SPMIP2: variants seen among roughly 807,000 people sequenced by gnomAD.
The protein encoded by SPMIP2 is protein SPMIP2.
At chr4:158,981,178 C>A in the SPMIP2 span, among the ~76,000 whole-genome samples, 4 of 152,170 alleles carry the variant, frequency 2.6e-5, no homozygotes, top group African/African-American at 7.2e-5. Flanking sequence ...AAGGAAGGAA[C>A]AAAGCCTCCA....
chr4:158,956,661 C>T, the SPMIP2 span, among the ~76,000 whole-genome samples: 3 of 152,210 alleles, frequency 2.0e-5, no homozygotes, highest in Non-Finnish European at 2.9e-5. Flanking sequence ...CTCTGACATT[C>T]GATCTCTTCA....
the SPMIP2 span, among the ~76,000 whole-genome samples, chr4:159,005,882 A>AG: frequency 1.3e-5 from 2 of 152,066 alleles, no homozygotes; most frequent in Admixed American, 1.3e-4. Context: ...CTCTTGCCTT[A>AG]GCCTCCTGAG....
the SPMIP2 span, among the ~76,000 whole-genome samples, chr4:158,985,857 G>A: frequency 6.6e-6 from 1 of 152,092 alleles, no homozygotes; most frequent in Non-Finnish European, 1.5e-5. Context: ...CCTGTTTGCA[G>A]ATGACTTGAT....
the SPMIP2 span, among the ~76,000 whole-genome samples, chr4:159,011,337 A>T: frequency 6.6e-6 from 1 of 152,232 alleles, no homozygotes; most frequent in Admixed American, 6.5e-5. Context: ...TAGAGTAATT[A>T]AAAGCTTTTA....
At chr4:158,977,814 CT>C in the SPMIP2 span, among the ~76,000 whole-genome samples, 2 of 151,996 alleles carry the variant, frequency 1.3e-5, no homozygotes. Context: ...CGGGGTTTCA[CT>C]GTGTTAGCCA....
At chr4:158,904,352 A>ATAATC in the SPMIP2 span, 5 of 908,952 alleles carry the variant, frequency 5.5e-6, no homozygotes, top group East Asian at 7.8e-5. Flanking sequence ...GTTTTAAATG[A>ATAATC]TAATCTATCA....
the SPMIP2 span, among the ~76,000 whole-genome samples, chr4:159,008,858 A>C: frequency 0.32 from 47,930 of 152,084 alleles, 7,736 homozygotes; most frequent in South Asian, 0.44. Flanking sequence ...ATAATTGAAA[A>C]AATATTGCTG....
chr4:159,056,185 A>C, the SPMIP2 span, among the ~76,000 whole-genome samples: 1 of 152,252 alleles, frequency 6.6e-6, no homozygotes, highest in Non-Finnish European at 1.5e-5. Flanking sequence ...TAGAATGGAA[A>C]TAGTCTTGGA....
the SPMIP2 span, among the ~76,000 whole-genome samples, chr4:159,002,214 G>A: frequency 6.6e-6 from 1 of 152,000 alleles, no homozygotes; most frequent in Non-Finnish European, 1.5e-5. Context: ...TATGGATGCT[G>A]GATATTAGAC....
At chr4:158,929,004 C>A in the SPMIP2 span, among the ~76,000 whole-genome samples, 1 of 152,144 alleles carries the variant, frequency 6.6e-6, no homozygotes, top group African/African-American at 2.4e-5. Flanking sequence ...ACACTCACTG[C>A]GAGCGTCCGA....
At chr4:158,952,572 G>C in the SPMIP2 span, among the ~76,000 whole-genome samples, 5 of 152,320 alleles carry the variant, frequency 3.3e-5, no homozygotes, top group Admixed American at 3.3e-4. Flanking sequence ...TTGGTACCAG[G>C]AGTGGGGTGT....
At chr4:159,073,284 G>A in the SPMIP2 span, among the ~76,000 whole-genome samples, 1 of 152,060 alleles carries the variant, frequency 6.6e-6, no homozygotes, top group South Asian at 2.1e-4. Flanking sequence ...TCCCCAAGAA[G>A]CTGGGGCCAC....
chr4:158,980,591 A>G, the SPMIP2 span, among the ~76,000 whole-genome samples: 75 of 152,330 alleles, frequency 4.9e-4, 1 homozygote, highest in African/African-American at 1.4e-3. Flanking sequence ...CCAACAAATT[A>G]GCAGACCCGC....
the SPMIP2 span, among the ~76,000 whole-genome samples, chr4:159,043,739 A>G: frequency 1.3e-5 from 2 of 152,210 alleles, no homozygotes; most frequent in Admixed American, 6.5e-5. Context: ...CTTAGAACCA[A>G]TGTCTGAAGT....
the SPMIP2 span, among the ~76,000 whole-genome samples, chr4:158,970,394 T>A: frequency 6.6e-6 from 1 of 151,822 alleles, no homozygotes; most frequent in African/African-American, 2.4e-5. Flanking sequence ...TTTTAAATTA[T>A]CTAGGTGTGG....
chr4:159,058,187 T>A, the SPMIP2 span, among the ~76,000 whole-genome samples: 1 of 53,992 alleles, frequency 1.9e-5, no homozygotes, highest in Admixed American at 1.8e-4. Flanking sequence ...TTTGCTGGGC[T>A]TTTTTTTTTT....
chr4:159,017,374 C>CACAT, the SPMIP2 span, among the ~76,000 whole-genome samples: 1 of 151,616 alleles, frequency 6.6e-6, no homozygotes, highest in Admixed American at 6.6e-5. Flanking sequence ...CACACACACA[C>CACAT]ACACACAGAC....
the SPMIP2 span, among the ~76,000 whole-genome samples, chr4:158,930,666 AT>A: frequency 6.9e-6 from 1 of 145,866 alleles, no homozygotes; most frequent in East Asian, 2.0e-4. Flanking sequence ...TAAATTTTTT[AT>A]TTTTATTTGG....
At chr4:158,975,881 A>T in the SPMIP2 span, among the ~76,000 whole-genome samples, 3 of 152,164 alleles carry the variant, frequency 2.0e-5, no homozygotes, top group African/African-American at 7.2e-5. Flanking sequence ...TGTATAAATT[A>T]CTTTGGGCAG....
Sources: allele counts gnomAD v4.1 joint callset (sites outside exome capture counted in the v4.1 genomes callset), GRCh38; gene constraint gnomAD v4.1.1; transcripts MANE v1.5; gene names NCBI Gene and HGNC (gene_info 2026-07-23, HGNC 2026-07-21).